Variants in PLD4 observed in about 807,000 individuals in gnomAD.
PLD4 encodes the protein 5'-3' exonuclease PLD4.
In PLD4, 54 loss-of-function variants were observed where a neutral mutation model predicts 52.3. That is an observed-to-expected ratio of 1.03 (90% CI 0.83 to 1.30). The LOEUF (loss-of-function observed/expected upper bound fraction) is 1.30, where lower values mean the gene tolerates loss of function less well. PLD4 is among the 50% of genes most tolerant of loss of function. PLD4 has a pLI of 0.00. For missense variants in PLD4, 731 were observed against 671.1 expected (o/e 1.09, Z -0.99); for synonymous variants, 264 against 286.5 (o/e 0.92, Z 0.79).
At chr14:104,927,108 G>A in intron 1 of PLD4, 33 bp from the exon 2 acceptor site, 1 of 1,520,770 alleles carries the variant, frequency 6.6e-7, no homozygotes, top group Non-Finnish European at 8.9e-7. Context: ...GGCAGAGCTG[G>A]AGCTGCTGGT....
rs188450775 is a variant in PLD4 at position 104,931,858 on chromosome 14, C to A, written c.1029C>A (p.Phe343Leu). Residue 343 changes from phenylalanine (F) to leucine (L), a missense_variant, in exon 8 of 11, where the codon TTC becomes TTA. Phe to Leu is a conservative substitution (Grantham distance 22). Coordinates refer to ENST00000392593, the MANE Select transcript of PLD4 (RefSeq NM_138790.5). The part of the protein sequence containing the change: ...EFIYASVMEY[F>L]PTTRFSHPPR... ...TCTATGCCTCCGTGATGGAGTATTTCCCCACCACGCGCTTCAGCCACCCCC... is the reference window on the plus strand; with the variant it reads ...TCTATGCCTCCGTGATGGAGTATTTACCCACCACGCGCTTCAGCCACCCCC... 73 of 1,548,972 alleles carry A rather than the reference C, an allele frequency of 4.7e-5. No individual in the cohort carries two copies. In the Admixed American group the frequency reaches 1.3e-3, roughly 28 times the overall value.
intron 6 of PLD4, 121 bp from the exon 7 acceptor site, chr14:104,930,621 G>C (rs999586846): frequency 6.7e-6 from 7 of 1,037,948 alleles, no homozygotes; most frequent in Non-Finnish European, 1.0e-5. Flanking sequence ...AATGCTTCCC[G>C]CAAGTGGGGA....
Position 104,932,011 on chromosome 14 carries a change from G to C in PLD4, c.1059-1G>C, listed in dbSNP as rs754321469. 1.9e-6 allele frequency: 3 copies of C among 1,583,774 alleles called. No homozygotes were observed. The highest frequency in any genetic ancestry group is 2.3e-5 in the South Asian group (2 of 87,486). On this transcript the variant is annotated splice_acceptor_variant, in intron 8 of 10. Transcript: ENST00000392593. LOFTEE classifies it high-confidence loss of function. This position sits in a 1 kb window ranked among gnomAD's most constrained non-coding sequence, Gnocchi z 6.5. ...AGAGCCCCGTCCCTCCCCACCCCAA[G>C]GTACTGGCCGGTGCTGGACAACGCG...
rs375062151 is a variant in PLD4 at position 104,928,936 on chromosome 14, C to A, written c.468+4C>A. 2 of 1,590,984 alleles carry A rather than the reference C, an allele frequency of 1.3e-6. No individual in the cohort carries two copies. The highest frequency in any genetic ancestry group is 1.1e-5 in the South Asian group (1 of 89,810). On this transcript the variant is annotated splice_donor_region_variant and intron_variant, in intron 4 of 10. Transcript: ENST00000392593. ...CAACGACTCGTCTTCCCAGCTGGTG[C>A]GCCCCGCCCTGGCCCCACCGCATCC...
intron 2 of PLD4, 145 bp downstream of exon 2, chr14:104,927,375 G>A: frequency 1.3e-6 from 1 of 768,480 alleles, no homozygotes; most frequent in Non-Finnish European, 2.0e-6. Context: ...AGCCTCCCTG[G>A]GCTGCTCCAG....
At chr14:104,931,052 G>GT in intron 7 of PLD4, 110 bp downstream of exon 7, 3 of 1,280,182 alleles carry the variant, frequency 2.3e-6, no homozygotes, top group Non-Finnish European at 3.3e-6. Flanking sequence ...GCATCAGCTG[G>GT]GTCCTCAGGC....
chr14:104,930,865 A>C lies in PLD4; in HGVS notation c.841A>C (p.Asn281His). 6.2e-7 allele frequency: 1 copy of C among 1,613,578 alleles called. No homozygotes were observed. Among genetic ancestry groups the C allele is most frequent in the Non-Finnish European group, 8.5e-7 (1 of 1,180,030 alleles). Reference protein sequence around the residue: ...KAVLPKTWPQNFSSHFNRFQP... With the variant: ...KAVLPKTWPQHFSSHFNRFQP... ...TGTCCTCCCCAAAACCTGGCCTCAG[A>C]ACTTCTCATCTCACTTCAACCGTTT... is the stretch of plus-strand genomic sequence containing the variant. The change falls in exon 7 of 11, where the codon AAC (asparagine) becomes CAC (histidine). Residue 281 changes from asparagine to histidine, a missense_variant. Asn to His is a moderately conservative substitution (Grantham distance 68). Coordinates refer to ENST00000392593, the MANE Select transcript of PLD4 (RefSeq NM_138790.5).
Position 104,932,067 on chromosome 14 carries a change from C to A in PLD4, c.1114C>A (p.Arg372Ser), listed in dbSNP as rs760827962. 1.9e-6 allele frequency: 3 copies of A among 1,608,526 alleles called. No individual in the cohort carries two copies. The highest frequency in any genetic ancestry group is 2.2e-5 in the East Asian group (1 of 44,770). The change falls in exon 9 of 11, where the codon CGC (arginine) becomes AGC (serine). Residue 372 changes from arginine (R) to serine (S), a missense_variant. Physicochemically the swap from Arg to Ser is moderately radical, Grantham distance 110 (BLOSUM62 -1). Transcript: ENST00000392593. This position sits in a 1 kb window ranked among gnomAD's most constrained non-coding sequence, Gnocchi z 6.5. Reference protein sequence around the residue: ...LRAAAFGKGVRVRLLVGCGLN... With the variant: ...LRAAAFGKGVSVRLLVGCGLN... ...GGCGGCAGCCTTCGGCAAGGGCGTGCGCGTGCGCCTGCTGGTCGGCTGCGG... is the reference window on the plus strand; with the variant it reads ...GGCGGCAGCCTTCGGCAAGGGCGTGAGCGTGCGCCTGCTGGTCGGCTGCGG...
chr14:104,932,432 G>A lies in PLD4; in HGVS notation c.1321+77G>A. The A allele has an allele frequency of 9.4e-6, 14 of 1,485,152 alleles. No individual in the cohort carries two copies. The highest frequency in any genetic ancestry group is 1.3e-5 in the Non-Finnish European group (14 of 1,070,566). The allele number at this position is 1,485,152 out of a possible 1,614,324, so 92.0% of individuals were successfully genotyped here. A position where few individuals can be genotyped will look rare whatever the true frequency, so the allele number is the denominator to read the frequency against. ...CGAGGGAGGCACTGGCTTTGTGACC[G>A]GCGTGGACACCTCAGGAGGGAGGGG... On this transcript the variant is annotated intron_variant, in intron 10 of 10. Transcript: ENST00000392593. This position sits in a 1 kb window ranked among gnomAD's most constrained non-coding sequence, Gnocchi z 6.5.
downstream of PLD4, chr14:104,934,524 G>T: frequency 6.6e-6 from 1 of 152,364 alleles, no homozygotes. Context: ...ACCCTCCCCT[G>T]GTGGAGGTCC....
chr14:104,936,895 C>T (rs370529175), downstream of PLD4: 6 of 152,346 alleles, frequency 3.9e-5, no homozygotes, highest in East Asian at 9.7e-4. Flanking sequence ...CCCAAGAGCG[C>T]CTCTGTGGTG....
Position 104,932,682 on chromosome 14 carries a change from C to T in PLD4, c.1322-83C>T. 1 of 1,370,194 alleles carries T rather than the reference C, an allele frequency of 7.3e-7. No individual in the cohort carries two copies. The highest frequency in any genetic ancestry group is 9.8e-7 in the Non-Finnish European group (1 of 1,025,514). The allele number at this position is 1,370,194 out of a possible 1,614,324, so 84.9% of individuals were successfully genotyped here. A position where few individuals can be genotyped will look rare whatever the true frequency, so the allele number is the denominator to read the frequency against. ...GGCCAGCTGCCAACCGTCCCCAAAC[C>T]CGTAGCCGGGCCTGGCGCTGAGCGG... On this transcript the variant is annotated intron_variant, in intron 10 of 10. Transcript: ENST00000392593. This position sits in a 1 kb window ranked among gnomAD's most constrained non-coding sequence, Gnocchi z 6.5.
chr14:104,928,915 G>T lies in PLD4; in HGVS notation c.451G>T (p.Asp151Tyr). Reference sequence around the variant, plus strand: ...CACAGGGCCTGACATCGGGGTCAACGACTCGTCTTCCCAGCTGGTGCGCCC... The same window carrying T: ...CACAGGGCCTGACATCGGGGTCAACTACTCGTCTTCCCAGCTGGTGCGCCC... ...SLTGPDIGVN[D>Y]SSSQLGEALL... The change falls in exon 4 of 11, where the codon GAC becomes TAC. Residue 151 changes from aspartate (D) to tyrosine (Y), a missense_variant. Asp to Tyr is a radical substitution (Grantham distance 160). Coordinates refer to ENST00000392593, the MANE Select transcript of PLD4 (RefSeq NM_138790.5). The T allele has an allele frequency of 6.2e-7, 1 of 1,601,418 alleles. No individual in the cohort carries two copies. Among genetic ancestry groups the T allele is most frequent in the South Asian group, 1.1e-5 (1 of 90,654 alleles).
chr14:104,927,536 C>T, intron 2 of PLD4, 137 bp from the exon 3 acceptor site: 1 of 1,007,602 alleles, frequency 9.9e-7, no homozygotes, highest in Non-Finnish European at 1.4e-6. Flanking sequence ...CCTTGTCCAC[C>T]CTAGTCCCAC....
chr14:104,937,102 G>A (rs553773772), downstream of PLD4: 1 of 152,254 alleles, frequency 6.6e-6, no homozygotes, highest in Admixed American at 6.5e-5. Context: ...GCTCAGAGGA[G>A]GACCTGGACA....
Position 104,932,407 on chromosome 14 carries a change from C to T in PLD4, c.1321+52C>T. Reference sequence around the variant, plus strand: ...GGGCCCCAGGGTGGCCAGGCACGGGCGAGGGAGGCACTGGCTTTGTGACCG... The same window carrying T: ...GGGCCCCAGGGTGGCCAGGCACGGGTGAGGGAGGCACTGGCTTTGTGACCG... On this transcript the variant is annotated intron_variant, in intron 10 of 10. Transcript: ENST00000392593. The surrounding 1 kb of genome is among the most constrained non-coding windows in gnomAD (Gnocchi z 6.5). 1.3e-6 allele frequency: 2 copies of T among 1,567,142 alleles called. No individual in the cohort carries two copies. The highest frequency in any genetic ancestry group is 1.8e-6 in the Non-Finnish European group (2 of 1,140,890).
At position 104,932,856 on chromosome 14, in the gene PLD4, C is replaced by T; in HGVS notation, c.1413C>T (p.Ala471=). The stretch of plus-strand genomic sequence containing the variant: ...GCCCTGGCGCGCAGCCCGCGGGGGC[C>T]ACGGTGCAGGAGCAGCTGCGGCAGC... ...TQSPGAQPAG[A]TVQEQLRQLF... is the part of the protein sequence containing the mutation. Residue 471 remains alanine, a synonymous_variant, in exon 11 of 11, where the codon GCC becomes GCT. Coordinates refer to ENST00000392593, the MANE Select transcript of PLD4 (RefSeq NM_138790.5). This position sits in a 1 kb window ranked among gnomAD's most constrained non-coding sequence, Gnocchi z 6.5. 1 of 1,605,058 alleles carries T rather than the reference C, an allele frequency of 6.2e-7. No individual in the cohort carries two copies. The highest frequency in any genetic ancestry group is 8.5e-7 in the Non-Finnish European group (1 of 1,176,526).
At chr14:104,930,571 C>T (rs1897608809) in intron 6 of PLD4, 171 bp from the exon 7 acceptor site, 1 of 661,310 alleles carries the variant, frequency 1.5e-6, no homozygotes. Context: ...CCGCTGGGCA[C>T]TCCTCCCACC....
At position 104,932,225 on chromosome 14, in the gene PLD4, G is replaced by T. The variant is rs750026647; in HGVS notation, c.1225-34G>T. 1 of 1,612,428 alleles carries T rather than the reference G, an allele frequency of 6.2e-7. No homozygotes were observed. On this transcript the variant is annotated intron_variant, in intron 9 of 10. Coordinates refer to ENST00000392593, the MANE Select transcript of PLD4 (RefSeq NM_138790.5). This position sits in a 1 kb window ranked among gnomAD's most constrained non-coding sequence, Gnocchi z 6.5. Reference sequence around the variant, plus strand: ...GCGTGGGAAAGGCGGCCCTCCTGCCGCCCTTCCTGACGCGCTGCCTCTGCT... The same window carrying T: ...GCGTGGGAAAGGCGGCCCTCCTGCCTCCCTTCCTGACGCGCTGCCTCTGCT...
Sources: allele counts gnomAD v4.1 joint callset, GRCh38; gene constraint gnomAD v4.1.1; non-coding constraint Gnocchi (gnomAD v3.1); transcripts MANE v1.5; gene names NCBI Gene and HGNC (gene_info 2026-07-23, HGNC 2026-07-21).